JHY: variants seen among roughly 807,000 people sequenced by gnomAD.
JHY encodes junctional cadherin complex regulator.
In JHY, 69 loss-of-function variants were observed where a neutral mutation model predicts 78.0. The ratio of observed to expected loss-of-function variants is 0.88; its 90% CI spans 0.73 to 1.08. JHY has a LOEUF of 1.08. Ranked by LOEUF, JHY falls within the 50% of genes least tolerant of loss-of-function variation. The probability of loss-of-function intolerance (pLI) is 0.00; values close to 1 mark genes in which losing one functional copy is unlikely to be tolerated. For missense variants in JHY, 944 were observed against 927.8 expected (o/e 1.02, Z -0.23); for synonymous variants, 368 against 342.6 (o/e 1.07, Z -0.82).
chr11:122,934,606 G>C lies in JHY; in HGVS notation c.1165G>C (p.Gly389Arg), dbSNP rs758770548. The change falls in exon 5 of 9, where the codon GGG becomes CGG. Residue 389 changes from glycine to arginine, a missense_variant. Physicochemically the swap from Gly to Arg is moderately radical, Grantham distance 125. Transcript: ENST00000227349. Reference sequence around the variant, plus strand: ...AACGGAAGAGGTGACTGCCAGTCAGGGGAACCAGAATAACCCTCCCAGGCA... The same window carrying C: ...AACGGAAGAGGTGACTGCCAGTCAGCGGAACCAGAATAACCCTCCCAGGCA... ...STTEEVTASQGNQNNPPRQQQ... is the reference protein window; with the variant it reads ...STTEEVTASQRNQNNPPRQQQ... The C allele has an allele frequency of 1.9e-6, 3 of 1,614,036 alleles. No individual in the cohort carries two copies. The highest frequency in any genetic ancestry group is 1.1e-5 in the South Asian group (1 of 91,070).
chr11:122,903,618 A>G (rs1035134556), intron 2 of JHY, among the ~76,000 whole-genome samples: 3 of 152,112 alleles, frequency 2.0e-5, no homozygotes, highest in Admixed American at 6.5e-5. Context: ...AGCTGGGACT[A>G]CAGGTACGAC....
chr11:122,903,791 G>A, intron 2 of JHY, 134 bp from the exon 3 acceptor site: 2 of 1,259,956 alleles, frequency 1.6e-6, no homozygotes, highest in South Asian at 1.6e-5. Flanking sequence ...TGGGATTTGT[G>A]TTTAGCATAC....
chr11:122,886,164 C>G lies in JHY; in HGVS notation c.315C>G (p.His105Gln). ...CTCAGATGGCTCGCGAGCAAAACCA[C>G]CATACCTGGGACCAGGGCGCCAATA... ...KAAQMAREQN[H>Q]HTWDQGANNR... The change falls in exon 2 of 9, where the codon CAC becomes CAG. Residue 105 changes from histidine (H) to glutamine (Q), a missense_variant. By Grantham distance (24) the His-to-Gln change is conservative. Transcript: ENST00000227349. The G allele has an allele frequency of 6.2e-7, 1 of 1,612,854 alleles. No individual in the cohort carries two copies. Among genetic ancestry groups the G allele is most frequent in the Non-Finnish European group, 8.5e-7 (1 of 1,179,142 alleles).
chr11:122,907,598 A>G (rs1863022489), intron 3 of JHY, among the ~76,000 whole-genome samples: 1 of 152,050 alleles, frequency 6.6e-6, no homozygotes, highest in Admixed American at 6.5e-5. Flanking sequence ...TAATCCTAGC[A>G]CTTTGGGAGG....
At chr11:122,957,258 C>A in intron 7 of JHY, 105 bp from the exon 8 acceptor site, 2 of 1,289,874 alleles carry the variant, frequency 1.6e-6, no homozygotes, top group South Asian at 1.9e-5. Flanking sequence ...TCCTGTACAG[C>A]TGATAAGATA....
At chr11:122,904,696 T>C (rs1862947730) in intron 3 of JHY, among the ~76,000 whole-genome samples, 1 of 152,270 alleles carries the variant, frequency 6.6e-6, no homozygotes, top group South Asian at 2.1e-4. Context: ...TCAATTATTA[T>C]ATCCAAAATT....
In JHY at chr11:122,883,674, C is replaced by T. The variant is rs922050804; in HGVS notation, c.-90+702C>T. ...TAACTTATTCAAGCTGTCAGCTGTT[C>T]CTTCTTCCACCCCATGTTTTGGTAA... On this transcript the variant is annotated intron_variant, in intron 1 of 8. Transcript: ENST00000227349. The surrounding 1 kb of genome is among the most constrained non-coding windows in gnomAD (Gnocchi z 4.4). 3.3e-5 allele frequency among the ~76,000 whole-genome samples: 5 copies of T among 152,014 alleles called. No individual in the cohort carries two copies. The highest frequency in any genetic ancestry group is 1.2e-4 in the African/African-American group (5 of 41,376).
At chr11:122,903,566 A>T (rs1023819886) in intron 2 of JHY, among the ~76,000 whole-genome samples, 3 of 151,994 alleles carry the variant, frequency 2.0e-5, no homozygotes, top group Non-Finnish European at 2.9e-5. Flanking sequence ...GTAGCCTCTA[A>T]CTCCTTAGCT....
intron 4 of JHY, among the ~76,000 whole-genome samples, chr11:122,928,213 T>C (rs11604027): frequency 0.23 from 35,367 of 152,102 alleles, 4,647 homozygotes; most frequent in Middle Eastern, 0.3. Flanking sequence ...ATTGCTTTTT[T>C]GGAGGCCAAG....
At position 122,935,097 on chromosome 11, in the gene JHY, G is replaced by A; in HGVS notation, c.1634+22G>A. ...TATGGTAAGAATTCCCTTTTCTCAA[G>A]TGGTTTTCTAGAGGAGAAAGGAGAG... On this transcript the variant is annotated intron_variant, in intron 5 of 8. Transcript: ENST00000227349. The surrounding 1 kb of genome is among the most constrained non-coding windows in gnomAD (Gnocchi z 4.5). 1.3e-6 allele frequency: 2 copies of A among 1,536,548 alleles called. No individual in the cohort carries two copies. The highest frequency in any genetic ancestry group is 8.7e-7 in the Non-Finnish European group (1 of 1,144,712).
intron 6 of JHY, among the ~76,000 whole-genome samples, chr11:122,951,990 C>CTTTT (rs768377869): frequency 4.5e-5 from 6 of 133,464 alleles, no homozygotes; most frequent in African/African-American, 1.4e-4. Flanking sequence ...TGTTGATTTA[C>CTTTT]TTTTTTTTTT....
At chr11:122,957,274 A>C in intron 7 of JHY, 89 bp from the exon 8 acceptor site, 1 of 1,381,750 alleles carries the variant, frequency 7.2e-7, no homozygotes, top group Non-Finnish European at 9.6e-7. Flanking sequence ...AGATACGCCC[A>C]GTATACTGAA....
Position 122,919,352 on chromosome 11 carries a change from CAAAAA to C in JHY, c.865-5525_865-5521del, listed in dbSNP as rs72233254. 2.3e-4 allele frequency among the ~76,000 whole-genome samples: 16 copies of C among 70,080 alleles called. No homozygotes were observed. The East Asian group carries it at 6.6e-3, about 29-fold the overall frequency. The allele number at this position is 70,080 out of a possible 152,430, so 46.0% of individuals were successfully genotyped here. On this transcript the variant is annotated intron_variant, in intron 3 of 8. Coordinates refer to ENST00000227349, the MANE Select transcript of JHY (RefSeq NM_024806.4). ...TGGGCAACAGAGAGAGACTCTGTCT[CAAAAA>C]AAAAAAAAAAAAAAAAAAAGAAGTG...
In JHY at chr11:122,905,188, A is replaced by T. The variant is rs780683023; in HGVS notation, c.864+744A>T. ...CCTCATCAGGTCATTTTGAGAGTAA[A>T]TTCTCTCCCACGTGATGGATTCAAA... On this transcript the variant is annotated intron_variant, in intron 3 of 8. Coordinates refer to ENST00000227349, the MANE Select transcript of JHY (RefSeq NM_024806.4). The T allele has an allele frequency of 1.9e-6, 3 of 1,613,868 alleles. No homozygotes were observed. The Admixed American group carries it at 5.0e-5, about 27-fold the overall frequency.
At chr11:122,919,089 A>C (rs1235249623) in intron 3 of JHY, among the ~76,000 whole-genome samples, 5 of 152,124 alleles carry the variant, frequency 3.3e-5, no homozygotes, top group African/African-American at 7.2e-5. Context: ...ACAGTGGGTC[A>C]CGCCTGTAAT....
Position 122,884,132 on chromosome 11 carries a change from A to G in JHY, c.-90+1160A>G, listed in dbSNP as rs887438115. ...AAATAATACAACAAACCAGTCTGTA[A>G]TATTAGAGAATAATATGTTAGTCTA... On this transcript the variant is annotated intron_variant, in intron 1 of 8. Coordinates refer to ENST00000227349, the MANE Select transcript of JHY (RefSeq NM_024806.4). 2.0e-5 allele frequency among the ~76,000 whole-genome samples: 3 copies of G among 152,252 alleles called. No homozygotes were observed. The South Asian group carries it at 6.2e-4, about 32-fold the overall frequency.
At chr11:122,927,690 A>G (rs1863538220) in intron 4 of JHY, among the ~76,000 whole-genome samples, 10 of 150,946 alleles carry the variant, frequency 6.6e-5, no homozygotes, top group Admixed American at 6.6e-4. Context: ...GCCGTGTCTC[A>G]TTAACTGCTG....
At chr11:122,910,637 T>C (rs1863097626) in intron 3 of JHY, among the ~76,000 whole-genome samples, 1 of 152,202 alleles carries the variant, frequency 6.6e-6, no homozygotes, top group Non-Finnish European at 1.5e-5. Flanking sequence ...AATCTCTTAA[T>C]TTTGAACCAT....
intron 2 of JHY, among the ~76,000 whole-genome samples, chr11:122,892,362 A>G (rs3134436): frequency 0.95 from 142,850 of 150,998 alleles, 67,642 homozygotes; most frequent in Middle Eastern, 0.98. Flanking sequence ...TTGCATTGTC[A>G]CCCAGGCTAG....
Sources: gnomAD v4.1 joint callset for allele counts (sites outside exome capture counted in the v4.1 genomes callset) on GRCh38, gnomAD v4.1.1 for gene constraint, Gnocchi (gnomAD v3.1) non-coding constraint, MANE v1.5 for transcripts, NCBI Gene and HGNC (gene_info 2026-07-23, HGNC 2026-07-21) for gene names.